The following TMEM126B variants were observed in gnomAD, a reference collection of about 807,000 sequenced individuals.
TMEM126B encodes the protein complex I assembly factor TMEM126B, mitochondrial.
A neutral mutation model predicts 16.5 loss-of-function variants in TMEM126B; 19 were observed. That is an observed-to-expected ratio of 1.15 (90% CI 0.80 to 1.69). The LOEUF is 1.69. Ranked by LOEUF, TMEM126B falls within the 40% of genes most tolerant of loss-of-function variation. TMEM126B has a pLI of 0.00. For missense variants in TMEM126B, 293 were observed against 278.7 expected (o/e 1.05, Z -0.37); for synonymous variants, 104 against 93.2 (o/e 1.12, Z -0.67).
chr11:85,632,353 C>T (rs1259129351), intron 2 of TMEM126B, among the ~76,000 whole-genome samples: 3 of 152,154 alleles, frequency 2.0e-5, no homozygotes. Context: ...AAGTGATTCT[C>T]CTGCCTCAGC....
chr11:85,636,015 G>A (rs1333469142), intron 4 of TMEM126B, 31 bp from the exon 5 acceptor site: 10 of 1,532,736 alleles, frequency 6.5e-6, no homozygotes, highest in Non-Finnish European at 8.7e-6. Flanking sequence ...TTCATATCCA[G>A]GAGAGGTGAT....
Position 85,636,168 on chromosome 11 carries a change from A to G in TMEM126B, c.632A>G (p.Asn211Ser). Residue 211 changes from asparagine to serine, a missense_variant, in exon 5 of 5, where the codon AAT becomes AGT. Transcript: ENST00000358867. ...LVFQIMFGIL[N>S]GLYHYAVFEE... ...TTTCAGATTATGTTTGGAATATTAA[A>G]TGGTCTATACCATTATGCAGTATTT... is the stretch of plus-strand genomic sequence containing the variant. 1 of 1,611,512 alleles carries G rather than the reference A, an allele frequency of 6.2e-7. No individual in the cohort carries two copies. Among genetic ancestry groups the G allele is most frequent in the Non-Finnish European group, 8.5e-7 (1 of 1,179,280 alleles).
chr11:85,633,343 G>T (rs2153307422), intron 2 of TMEM126B, among the ~76,000 whole-genome samples: 1 of 152,144 alleles, frequency 6.6e-6, no homozygotes, highest in East Asian at 1.9e-4. Flanking sequence ...GGGTCAAATG[G>T]TATTTCTAGT....
rs2082399577 is a variant in TMEM126B at position 85,636,105 on chromosome 11, G to T, written c.569G>T (p.Cys190Phe). The T allele has an allele frequency of 6.2e-7, 1 of 1,612,410 alleles. No homozygotes were observed. The change falls in exon 5 of 5, where the codon TGT becomes TTT. Residue 190 changes from cysteine (C) to phenylalanine (F), a missense_variant. Cys to Phe is a radical substitution (Grantham distance 205). Transcript: ENST00000358867. The stretch of plus-strand genomic sequence containing the variant: ...GTTTTAATCCATTGGATGACGCTTT[G>T]TCAAACACAAATGAAATTAATGGCG... ...GRVLIHWMTL[C>F]QTQMKLMAIP...
chr11:85,629,116 G>C (rs1228521832), intron 1 of TMEM126B: 4 of 747,228 alleles, frequency 5.4e-6, no homozygotes, highest in Non-Finnish European at 6.1e-6. Flanking sequence ...CTCTCATTCT[G>C]TGTTTAAATT....
At chr11:85,634,348 T>G (rs1453557607) in intron 3 of TMEM126B, 69 bp downstream of exon 3, 1 of 1,077,400 alleles carries the variant, frequency 9.3e-7, no homozygotes, top group African/African-American at 1.7e-5. Flanking sequence ...CATATACTGT[T>G]GCTACTGCTA....
At chr11:85,632,788 CCTTTT>C (rs938892090) in intron 2 of TMEM126B, among the ~76,000 whole-genome samples, 22 of 151,318 alleles carry the variant, frequency 1.5e-4, no homozygotes, top group Admixed American at 5.3e-4. Context: ...TCCCTCATTC[CCTTTT>C]ATTTTTTTTT....
Position 85,635,801 on chromosome 11 carries a change from TTTTTCTTTTC to T in TMEM126B, c.509+38_509+47del, listed in dbSNP as rs202045348. 4.8e-6 allele frequency: 7 copies of T among 1,472,150 alleles called. No individual in the cohort carries two copies. The African/African-American group carries it at 9.3e-5, about 20-fold the overall frequency. The allele number at this position is 1,472,150 out of a possible 1,614,324, so 91.2% of individuals were successfully genotyped here. ...CAAGTAAGTTCTTCCTTTTCCTTCT[TTTTTCTTTTC>T]TTTTCTTTTCTTTTTTTTTTTTTTT... On this transcript the variant is annotated intron_variant, in intron 4 of 4. Coordinates refer to ENST00000358867, the MANE Select transcript of TMEM126B (RefSeq NM_018480.7).
rs749786725 is a variant in TMEM126B, at chr11:85,636,030, T to A, written c.510-16T>A. On this transcript the variant is annotated splice_polypyrimidine_tract_variant and intron_variant, in intron 4 of 4. Transcript: ENST00000358867. ...TTCATATCCAGGAGAGGTGATTAAC[T>A]CTTTTTTCTTTTTAGGTATCATACC... is the stretch of plus-strand genomic sequence containing the variant. 11 of 1,550,334 alleles carry A rather than the reference T, an allele frequency of 7.1e-6. No homozygotes were observed. In the East Asian group the frequency reaches 1.4e-4, roughly 19 times the overall value.
intron 2 of TMEM126B, among the ~76,000 whole-genome samples, chr11:85,632,794 ATTTTT>A (rs200770788): frequency 6.6e-6 from 1 of 150,602 alleles, no homozygotes; most frequent in African/African-American, 2.4e-5. Flanking sequence ...ATTCCCTTTT[ATTTTT>A]TTTTATTTTA....
intron 2 of TMEM126B, among the ~76,000 whole-genome samples, chr11:85,633,658 G>GAAAT (rs2082346664): frequency 6.6e-6 from 1 of 152,194 alleles, no homozygotes; most frequent in African/African-American, 2.4e-5. Flanking sequence ...GACTAATGAA[G>GAAAT]AAATAGAAGG....
At position 85,635,078 on chromosome 11, in the gene TMEM126B, T is replaced by C. The variant is rs184094632; in HGVS notation, c.398-589T>C. 4 of 152,364 alleles carry C rather than the reference T, an allele frequency of 2.6e-5. No individual in the cohort carries two copies. In the East Asian group the frequency reaches 7.7e-4, roughly 29 times the overall value. The allele number at this position is 152,364 out of a possible 1,614,324, so 9.4% of individuals were successfully genotyped here. A position where few individuals can be genotyped will look rare whatever the true frequency, so the allele number is the denominator to read the frequency against. ...CCTGATATATAGTAGATAATAAAAATGTATTAACCTAGAATCCAGGTCTGG... is the reference window on the plus strand; with the variant it reads ...CCTGATATATAGTAGATAATAAAAACGTATTAACCTAGAATCCAGGTCTGG... On this transcript the variant is annotated intron_variant, in intron 3 of 4. Coordinates refer to ENST00000358867, the MANE Select transcript of TMEM126B (RefSeq NM_018480.7).
chr11:85,628,662 C>T lies in TMEM126B; in HGVS notation c.55C>T (p.Pro19Ser). The T allele has an allele frequency of 6.5e-7, 1 of 1,536,120 alleles. No homozygotes were observed. Among genetic ancestry groups the T allele is most frequent in the Non-Finnish European group, 8.7e-7 (1 of 1,146,908 alleles). ...TAAGCCAAGGGATTCAGGTGTGGTG[C>T]CGGTGGGAACTGAGGAAGCGCCCAA... Reference protein sequence around the residue: ...GTKPRDSGVVPVGTEEAPKVF... With the variant: ...GTKPRDSGVVSVGTEEAPKVF... Residue 19 changes from proline to serine, a missense_variant, in exon 1 of 5, where the codon CCG becomes TCG. Pro to Ser is a moderately conservative substitution (Grantham distance 74). Coordinates refer to ENST00000358867, the MANE Select transcript of TMEM126B (RefSeq NM_018480.7).
At chr11:85,631,641 A>G in intron 1 of TMEM126B, 46 bp from the exon 2 acceptor site, 1 of 1,573,984 alleles carries the variant, frequency 6.4e-7, no homozygotes, top group African/African-American at 1.5e-5. Context: ...GTTTTATGTA[A>G]TATGAATATC....
chr11:85,629,988 C>T (rs770130152), intron 1 of TMEM126B, among the ~76,000 whole-genome samples: 4 of 152,126 alleles, frequency 2.6e-5, no homozygotes, highest in African/African-American at 4.8e-5. Context: ...TAAGAAGGTT[C>T]AAAGGAGCTC....
At chr11:85,632,358 C>A (rs182404295) in intron 2 of TMEM126B, among the ~76,000 whole-genome samples, 2,381 of 152,312 alleles carry the variant, frequency 0.016, 28 homozygotes, top group Non-Finnish European at 0.023. Flanking sequence ...ATTCTCCTGC[C>A]TCAGCCTCCC....
chr11:85,630,973 A>G (rs2082285646), intron 1 of TMEM126B, among the ~76,000 whole-genome samples: 1 of 152,192 alleles, frequency 6.6e-6, no homozygotes, highest in Non-Finnish European at 1.5e-5. Context: ...ATTTCTAGCA[A>G]AGGCTCTGCT....
chr11:85,635,653 C>G lies in TMEM126B; in HGVS notation c.398-14C>G. The G allele has an allele frequency of 6.3e-7, 1 of 1,576,236 alleles. No individual in the cohort carries two copies. Among genetic ancestry groups the G allele is most frequent in the East Asian group, 2.3e-5 (1 of 44,372 alleles). On this transcript the variant is annotated splice_polypyrimidine_tract_variant and intron_variant, in intron 3 of 4. Coordinates refer to ENST00000358867, the MANE Select transcript of TMEM126B (RefSeq NM_018480.7). ...GAGTTTTAAAGGAAAACCAAATTTA[C>G]TTTTGTTTTCCAGATAATATAAGCA...
rs780593909 is a variant in TMEM126B at position 85,634,101 on chromosome 11, T to C, written c.219T>C (p.Tyr73=). ...TTTCTATTAGGACACAAAATATATATCAAATGGCGACATTTGGAACAACAG... is the reference window on the plus strand; with the variant it reads ...TTTCTATTAGGACACAAAATATATACCAAATGGCGACATTTGGAACAACAG... ...YLRKEMTQNI[Y]QMATFGTTAG... The change falls in exon 3 of 5, where the codon TAT becomes TAC. Residue 73 remains tyrosine (Y), a synonymous_variant. Transcript: ENST00000358867. 3 of 1,612,950 alleles carry C rather than the reference T, an allele frequency of 1.9e-6. No individual in the cohort carries two copies. The highest frequency in any genetic ancestry group is 3.3e-4 in the Middle Eastern group (2 of 6,056).
Sources: gnomAD v4.1 joint callset for allele counts (sites outside exome capture counted in the v4.1 genomes callset) on GRCh38, gnomAD v4.1.1 for gene constraint, MANE v1.5 for transcripts, NCBI Gene and HGNC (gene_info 2026-07-23, HGNC 2026-07-21) for gene names.